The following FAM83G variants were observed in gnomAD, a reference collection of about 807,000 sequenced individuals.
FAM83G encodes scaffolding CK1 anchoring protein G, also known as protein FAM83G.
A neutral mutation model predicts 61.5 loss-of-function variants in FAM83G; 38 were observed. The observed-to-expected ratio is 0.62, with a 90% CI of 0.48 to 0.81. FAM83G has a LOEUF of 0.81. Ranked by LOEUF, FAM83G falls within the 30% of genes least tolerant of loss-of-function variation. FAM83G has a pLI of 0.00. For missense variants in FAM83G, 989 were observed against 1,133.6 expected, an observed-to-expected ratio of 0.87 and a Z score of 1.83; for synonymous variants, 470 against 476.1, an observed-to-expected ratio of 0.99 and a Z score of 0.17.
At chr17:18,993,926 G>T (rs1350459564) in intron 2 of FAM83G, among the ~76,000 whole-genome samples, 1 of 152,166 alleles carries the variant, frequency 6.6e-6, no homozygotes. Flanking sequence ...CCCTAGCAGG[G>T]GATCCACAAA....
At chr17:18,991,362 G>A (rs915617835) in intron 2 of FAM83G, among the ~76,000 whole-genome samples, 1 of 152,232 alleles carries the variant, frequency 6.6e-6, no homozygotes. Context: ...GTCAAATGGG[G>A]GTGTGGGCCT....
rs1205708333 is a variant in FAM83G, at chr17:18,970,039, C to T, written c.*1320G>A. 1.3e-5 allele frequency: 2 copies of T among 152,264 alleles called. No individual in the cohort carries two copies. The highest frequency in any genetic ancestry group is 3.9e-4 in the East Asian group (2 of 5,194). The allele number at this position is 152,264 out of a possible 1,614,324, so 9.4% of individuals were successfully genotyped here. On this transcript the variant is annotated 3_prime_UTR_variant, in exon 6 of 6. Coordinates refer to ENST00000388995, the MANE Select transcript of FAM83G (RefSeq NM_001039999.3). ...CTCTTCCAGACTCAGACACTGGGAC[C>T]CTGTGGCTGAGCAGTTTCTAACCCT...
Position 18,968,807 on chromosome 17 carries a change from C to A in FAM83G, c.*2552G>T. 1.9e-6 allele frequency: 1 copy of A among 516,102 alleles called. No individual in the cohort carries two copies. The highest frequency in any genetic ancestry group is 3.4e-6 in the Non-Finnish European group (1 of 291,684). The allele number at this position is 516,102 out of a possible 1,614,324, so 32.0% of individuals were successfully genotyped here. ...ACACTGCTTTTGGGAAAGGCATTGG[C>A]CACTTTGGACTTTATTAGCAACAGT... On this transcript the variant is annotated 3_prime_UTR_variant, in exon 6 of 6. Transcript: ENST00000388995. The surrounding 1 kb of genome is among the most constrained non-coding windows in gnomAD (Gnocchi z 4.1).
In FAM83G at chr17:19,000,589, C is replaced by T. The variant is rs560309661; in HGVS notation, c.522+2931G>A. ...CCCCAGGGTCTGCCTGTTGTGCTGA[C>T]GACAGGTAAGGTGAGTGAGGAGGCG... On this transcript the variant is annotated intron_variant, in intron 2 of 5. Coordinates refer to ENST00000388995, the MANE Select transcript of FAM83G (RefSeq NM_001039999.3). The surrounding 1 kb of genome is among the most constrained non-coding windows in gnomAD (Gnocchi z 5.2). 3.2e-4 allele frequency among the ~76,000 whole-genome samples: 48 copies of T among 152,268 alleles called. No individual in the cohort carries two copies. The highest frequency in any genetic ancestry group is 5.4e-4 in the Non-Finnish European group (37 of 68,016).
Position 18,970,233 on chromosome 17 carries a change from G to A in FAM83G, c.*1126C>T, listed in dbSNP as rs543665524. ...AAGGCTAGGGAGTAGGGCCTGGGGT[G>A]GAAACGGGTTTTCCTACATCCAGGC... On this transcript the variant is annotated 3_prime_UTR_variant, in exon 6 of 6. Coordinates refer to ENST00000388995, the MANE Select transcript of FAM83G (RefSeq NM_001039999.3). The A allele has an allele frequency of 6.6e-6, 1 of 152,416 alleles. No homozygotes were observed. 9.4% of individuals were successfully genotyped at this position (152,416 alleles called of 1,614,324 possible). A position where few individuals can be genotyped will look rare whatever the true frequency, so the allele number is the denominator to read the frequency against.
At chr17:18,988,526 T>C in intron 2 of FAM83G, 112 bp from the exon 3 acceptor site, 1 of 1,522,784 alleles carries the variant, frequency 6.6e-7, no homozygotes, top group East Asian at 2.3e-5. Context: ...AGGTGCCCAC[T>C]CTGGCCCTAC....
chr17:19,005,681 G>T (rs2043867449), upstream of FAM83G, among the ~76,000 whole-genome samples: 1 of 149,384 alleles, frequency 6.7e-6, no homozygotes, highest in Non-Finnish European at 1.5e-5. Context: ...CACCATTCAT[G>T]GCCCATCAGG....
At chr17:18,972,779 G>A (rs570396443) in intron 5 of FAM83G, among the ~76,000 whole-genome samples, 146 of 152,096 alleles carry the variant, frequency 9.6e-4, no homozygotes, top group African/African-American at 3.3e-3. Context: ...GGAGAATGGC[G>A]TGAGCCCAGG....
intron 2 of FAM83G, among the ~76,000 whole-genome samples, chr17:18,993,916 C>G (rs889367035): frequency 2.0e-5 from 3 of 152,186 alleles, no homozygotes; most frequent in African/African-American, 4.8e-5. Flanking sequence ...GCAGGTGAAG[C>G]CCTAGCAGGG....
At chr17:18,981,309 G>T (rs1004224841) in intron 3 of FAM83G, among the ~76,000 whole-genome samples, 13 of 152,032 alleles carry the variant, frequency 8.6e-5, no homozygotes, top group Non-Finnish European at 1.9e-4. Context: ...TTGTACAAGA[G>T]CACCTCAGGG....
rs2043031220 is a variant in FAM83G, at chr17:18,978,122, A to G, written c.1544T>C (p.Val515Ala). The G allele has an allele frequency of 4.0e-6, 6 of 1,518,032 alleles. No homozygotes were observed. Among genetic ancestry groups the G allele is most frequent in the African/African-American group, 1.4e-5 (1 of 71,910 alleles). 94.0% of individuals were successfully genotyped at this position (1,518,032 alleles called of 1,614,324 possible). ...PKPRTVPVADVLARDSSDIGW... is the reference protein window; with the variant it reads ...PKPRTVPVADALARDSSDIGW... ...AATATCACTGCTGTCCCGGGCTAGT[A>G]CATCTGCCACAGGGACTGTCCGGGG... Residue 515 changes from valine (V) to alanine (A), a missense_variant, in exon 5 of 6, where the codon GTA becomes GCA. By Grantham distance (64) the Val-to-Ala change is moderately conservative. This residue lies in a region of FAM83G where 574 missense variants were observed against 645.1 expected (regional missense o/e 0.89). Coordinates refer to ENST00000388995, the MANE Select transcript of FAM83G (RefSeq NM_001039999.3).
At chr17:18,994,435 G>A (rs1256813007) in intron 2 of FAM83G, among the ~76,000 whole-genome samples, 4 of 152,198 alleles carry the variant, frequency 2.6e-5, no homozygotes, top group South Asian at 2.1e-4. Flanking sequence ...CCGCAGGGGA[G>A]AGAGCTGCAC....
chr17:18,999,806 T>A (rs2152140122), intron 2 of FAM83G, among the ~76,000 whole-genome samples: 1 of 152,332 alleles, frequency 6.6e-6, no homozygotes, highest in South Asian at 2.1e-4. Flanking sequence ...AGATCAGTGT[T>A]CTGGCCCTGG....
chr17:18,971,625 G>A lies in FAM83G; in HGVS notation c.2206C>T (p.Pro736Ser). The A allele has an allele frequency of 6.2e-7, 1 of 1,613,518 alleles. No homozygotes were observed. Among genetic ancestry groups the A allele is most frequent in the Non-Finnish European group, 8.5e-7 (1 of 1,180,000 alleles). ...SVQSSTRNAG[P>S]AMAGPHHWQA... ...CAGTGGTGGGGGCCAGCCATGGCTG[G>A]GCCAGCGTTTCTGGTAGAGCTCTGG... Residue 736 changes from proline (P) to serine (S), a missense_variant, in exon 6 of 6, where the codon CCA becomes TCA. Physicochemically the swap from Pro to Ser is moderately conservative, Grantham distance 74 (BLOSUM62 -1). Coordinates refer to ENST00000388995, the MANE Select transcript of FAM83G (RefSeq NM_001039999.3). This position sits in a 1 kb window ranked among gnomAD's most constrained non-coding sequence, Gnocchi z 5.5.
At position 18,977,307 on chromosome 17, in the gene FAM83G, C is replaced by A. The variant is rs1451380343; in HGVS notation, c.2082+277G>T. 3 of 581,416 alleles carry A rather than the reference C, an allele frequency of 5.2e-6. No homozygotes were observed. In the East Asian group the frequency reaches 8.8e-5, roughly 17 times the overall value. 36.0% of individuals were successfully genotyped at this position (581,416 alleles called of 1,614,324 possible). A position where few individuals can be genotyped will look rare whatever the true frequency, so the allele number is the denominator to read the frequency against. On this transcript the variant is annotated intron_variant, in intron 5 of 5. Coordinates refer to ENST00000388995, the MANE Select transcript of FAM83G (RefSeq NM_001039999.3). Reference sequence around the variant, plus strand: ...GGCAGGTGCCATCAAGATCCTCTAACCACAGGCTTTGGAGACCTCTAGGTG... The same window carrying A: ...GGCAGGTGCCATCAAGATCCTCTAAACACAGGCTTTGGAGACCTCTAGGTG...
chr17:18,977,435 T>C, intron 5 of FAM83G, 149 bp downstream of exon 5: 1 of 802,198 alleles, frequency 1.2e-6, no homozygotes, highest in Non-Finnish European at 1.9e-6. Context: ...TTCCCACCCC[T>C]GCCTGTTCAT....
At position 18,969,155 on chromosome 17, in the gene FAM83G, C is replaced by A; in HGVS notation, c.*2204G>T. ...GGCATCACAGCCCTGTACACCATCG[C>A]AGGTATGGTGCCTGCAGCAGGGAGG... On this transcript the variant is annotated 3_prime_UTR_variant, in exon 6 of 6. Transcript: ENST00000388995. 6.2e-7 allele frequency: 1 copy of A among 1,613,526 alleles called. No homozygotes were observed. The highest frequency in any genetic ancestry group is 8.5e-7 in the Non-Finnish European group (1 of 1,179,732).
At chr17:18,977,240 G>C in intron 5 of FAM83G, 7 of 599,960 alleles carry the variant, frequency 1.2e-5, no homozygotes, top group South Asian at 8.7e-5. Flanking sequence ...CCTGTGCCCC[G>C]CCTTTTCCTC....
In FAM83G at chr17:18,977,617, C is replaced by T. The variant is rs372612886; in HGVS notation, c.2049G>A (p.Met683Ile). 8.1e-5 allele frequency: 131 copies of T among 1,609,314 alleles called. No individual in the cohort carries two copies. Among genetic ancestry groups the T allele is most frequent in the Non-Finnish European group, 1.1e-4 (125 of 1,179,940 alleles). Residue 683 changes from methionine to isoleucine, a missense_variant, in exon 5 of 6, where the codon ATG becomes ATA. By Grantham distance (10) the Met-to-Ile change is conservative. Transcript: ENST00000388995. Reference protein sequence around the residue: ...GREEADALKRMQAQRSTDKEA... With the variant: ...GREEADALKRIQAQRSTDKEA... ...CCTTGTCTGTGGAGCGCTGGGCCTGCATCCTCTTCAACGCATCTGCTTCTT... is the reference window on the plus strand; with the variant it reads ...CCTTGTCTGTGGAGCGCTGGGCCTGTATCCTCTTCAACGCATCTGCTTCTT...
Sources: allele counts gnomAD v4.1 joint callset (sites outside exome capture counted in the v4.1 genomes callset), GRCh38; gene constraint gnomAD v4.1.1; regional missense constraint gnomAD v4.1.1; non-coding constraint Gnocchi (gnomAD v3.1); transcripts MANE v1.5; gene names NCBI Gene and HGNC (gene_info 2026-07-23, HGNC 2026-07-21).